Variants in PCMTD1 observed in about 807,000 individuals in gnomAD.
PCMTD1 encodes protein-L-isoaspartate O-methyltransferase domain-containing protein 1.
PCMTD1 carries 12 observed loss-of-function variants against 37.6 expected under a neutral mutation model. That is an observed-to-expected ratio of 0.32 (90% CI 0.20 to 0.52). The LOEUF is 0.52. Among genes scored for constraint, PCMTD1 ranks in the 20% least tolerant of loss-of-function variants. The pLI is 0.97. For synonymous variants in PCMTD1, 117 were observed against 135.8 expected, an observed-to-expected ratio of 0.86 and a Z score of 0.96; for missense variants, 235 against 421.3, an observed-to-expected ratio of 0.56 and a Z score of 3.87.
chr8:51,871,450 C>G (rs1341103113), intron 1 of PCMTD1, among the ~76,000 whole-genome samples: 2 of 152,192 alleles, frequency 1.3e-5, no homozygotes, highest in African/African-American at 4.8e-5. Context: ...GAAGGATGAG[C>G]TTACCTGGGC....
At chr8:51,883,541 AAG>A in intron 1 of PCMTD1, among the ~76,000 whole-genome samples, 1 of 152,352 alleles carries the variant, frequency 6.6e-6, no homozygotes, top group African/African-American at 2.4e-5. Context: ...AATCTCACAA[AAG>A]AGTAAACAGT....
intron 1 of PCMTD1, among the ~76,000 whole-genome samples, chr8:51,862,730 A>G (rs2038491895): frequency 6.6e-6 from 1 of 152,196 alleles, no homozygotes; most frequent in African/African-American, 2.4e-5. Context: ...ACAGCCTATC[A>G]TATTGTCTTT....
intron 5 of PCMTD1, among the ~76,000 whole-genome samples, chr8:51,830,496 T>A (rs371946253): frequency 2.4e-4 from 37 of 152,268 alleles, no homozygotes; most frequent in African/African-American, 8.9e-4. Flanking sequence ...ATTCTTCTTT[T>A]CCCTCTACCC....
chr8:51,860,797 A>G (rs1471262287), intron 2 of PCMTD1, 48 bp downstream of exon 2: 1 of 1,434,130 alleles, frequency 7.0e-7, no homozygotes. Context: ...AAACCATAAT[A>G]CAAAATGGCT....
At chr8:51,871,883 T>C (rs1181925631) in intron 1 of PCMTD1, among the ~76,000 whole-genome samples, 1 of 152,176 alleles carries the variant, frequency 6.6e-6, no homozygotes, top group Non-Finnish European at 1.5e-5. Flanking sequence ...CAATACTACA[T>C]ATAATTTTTT....
intron 3 of PCMTD1, among the ~76,000 whole-genome samples, chr8:51,838,978 A>G (rs767752327): frequency 2.6e-5 from 4 of 152,208 alleles, no homozygotes; most frequent in Non-Finnish European, 5.9e-5. Flanking sequence ...TGTGTTTATA[A>G]TTACTCGTAA....
In PCMTD1 at chr8:51,882,627, C is replaced by G. The variant is rs937700142; in HGVS notation, c.-96+16303G>C. 3.9e-5 allele frequency among the ~76,000 whole-genome samples: 6 copies of G among 151,978 alleles called. No homozygotes were observed. In the East Asian group the frequency reaches 1.2e-3, roughly 29 times the overall value. ...ATAACAAAGATATTATTCAAGATCC[C>G]TGCTAATGAGTAACTGAGTGTAGTT... On this transcript the variant is annotated intron_variant, in intron 1 of 5. Transcript: ENST00000522514.
intron 3 of PCMTD1, among the ~76,000 whole-genome samples, chr8:51,843,176 C>CA (rs35181880): frequency 6.7e-6 from 1 of 150,254 alleles, no homozygotes; most frequent in Non-Finnish European, 1.5e-5. Context: ...ACAAAAGGAA[C>CA]AAAAAAAAAA....
chr8:51,899,016 A>G lies in PCMTD1; in HGVS notation c.-182T>C. 2.0e-6 allele frequency: 3 copies of G among 1,513,052 alleles called. No homozygotes were observed. The South Asian group carries it at 3.7e-5, about 19-fold the overall frequency. The allele number at this position is 1,513,052 out of a possible 1,614,324, so 93.7% of individuals were successfully genotyped here. On this transcript the variant is annotated 5_prime_UTR_variant, in exon 1 of 6. Transcript: ENST00000522514. ...AGACGCCGCTACCACCACAATAACAACACGGACGCCACCGCCGAGTGGAGA... is the reference window on the plus strand; with the variant it reads ...AGACGCCGCTACCACCACAATAACAGCACGGACGCCACCGCCGAGTGGAGA...
intron 1 of PCMTD1, among the ~76,000 whole-genome samples, chr8:51,880,954 T>C (rs1358356390): frequency 6.6e-6 from 1 of 152,216 alleles, no homozygotes; most frequent in Admixed American, 6.5e-5. Context: ...TAAAATAGTC[T>C]TCCAACCATT....
chr8:51,824,053 A>C (rs957038502), intron 5 of PCMTD1, among the ~76,000 whole-genome samples: 8 of 152,206 alleles, frequency 5.3e-5, no homozygotes, highest in Non-Finnish European at 1.2e-4. Context: ...ATCTCAAAAT[A>C]ATAAGAGCTA....
At chr8:51,880,204 T>C (rs930433670) in intron 1 of PCMTD1, among the ~76,000 whole-genome samples, 1 of 66,648 alleles carries the variant, frequency 1.5e-5, no homozygotes, top group Admixed American at 1.7e-4. Context: ...TGTCTCCTTT[T>C]AATGAAAAAA....
intron 1 of PCMTD1, among the ~76,000 whole-genome samples, chr8:51,869,219 G>A (rs1469442568): frequency 6.6e-6 from 1 of 152,042 alleles, no homozygotes; most frequent in Non-Finnish European, 1.5e-5. Context: ...TTTTTTTTAT[G>A]AAAGTAAAAT....
intron 2 of PCMTD1, among the ~76,000 whole-genome samples, chr8:51,855,630 T>C (rs529873520): frequency 1.3e-5 from 2 of 152,050 alleles, no homozygotes; most frequent in Admixed American, 1.3e-4. Context: ...AAACAGAGTA[T>C]ATCTTATACA....
At chr8:51,898,791 A>T in intron 1 of PCMTD1, 139 bp downstream of exon 1, 2 of 810,618 alleles carry the variant, frequency 2.5e-6, no homozygotes, top group South Asian at 6.5e-5. Flanking sequence ...GCCCGCCCTT[A>T]AGTCCCCCTG....
In PCMTD1 at chr8:51,819,512, G is replaced by A. The variant is rs1403650779; in HGVS notation, c.*839C>T. 4 of 152,302 alleles carry A rather than the reference G, an allele frequency of 2.6e-5. No homozygotes were observed. The highest frequency in any genetic ancestry group is 6.6e-5 in the Admixed American group (1 of 15,248). The allele number at this position is 152,302 out of a possible 1,614,324, so 9.4% of individuals were successfully genotyped here. ...AAGAGTCACACATAACAATGGTTTT[G>A]CTTTTTTTAAAAAACCAAATACTTT... is the stretch of plus-strand genomic sequence containing the variant. On this transcript the variant is annotated 3_prime_UTR_variant, in exon 6 of 6. Coordinates refer to ENST00000522514, the MANE Select transcript of PCMTD1 (RefSeq NM_052937.4).
At chr8:51,841,553 T>C (rs750229252) in intron 3 of PCMTD1, among the ~76,000 whole-genome samples, 13 of 152,222 alleles carry the variant, frequency 8.5e-5, no homozygotes, top group Non-Finnish European at 1.8e-4. Context: ...CATACATGTA[T>C]ATGCATTACA....
intron 5 of PCMTD1, chr8:51,827,451 C>T (rs2037937069): frequency 1.2e-5 from 5 of 402,502 alleles, no homozygotes; most frequent in Admixed American, 1.1e-4. Flanking sequence ...TAATTGCATG[C>T]TATCCTGCCT....
intron 1 of PCMTD1, among the ~76,000 whole-genome samples, chr8:51,868,528 T>A (rs79727212): frequency 0.12 from 17,889 of 152,178 alleles, 1,298 homozygotes; most frequent in East Asian, 0.17. Flanking sequence ...TTACAAGTAT[T>A]ATTTGAACAA....
Sources: gnomAD v4.1 joint callset for allele counts (sites outside exome capture counted in the v4.1 genomes callset) on GRCh38, gnomAD v4.1.1 for gene constraint, MANE v1.5 for transcripts, NCBI Gene and HGNC (gene_info 2026-07-23, HGNC 2026-07-21) for gene names.